TCF7L2: variants seen among roughly 807,000 people sequenced by gnomAD.
TCF7L2 encodes transcription factor 7 like 2, also known as transcription factor 7-like 2.
TCF7L2 carries 23 observed loss-of-function variants against 77.9 expected under a neutral mutation model. The ratio of observed to expected loss-of-function variants is 0.30; its 90% CI spans 0.21 to 0.42. TCF7L2 has a LOEUF of 0.42. Among genes scored for constraint, TCF7L2 ranks in the 10% least tolerant of loss-of-function variants. The pLI is 1.00. For missense variants in TCF7L2, 654 were observed against 793.1 expected, an observed-to-expected ratio of 0.82 and a Z score of 2.11; for synonymous variants, 413 against 340.2, an observed-to-expected ratio of 1.21 and a Z score of -2.36.
intron 4 of TCF7L2, among the ~76,000 whole-genome samples, chr10:112,969,711 G>A (rs1315433104): frequency 2.6e-5 from 4 of 152,218 alleles, no homozygotes; most frequent in African/African-American, 9.7e-5. Context: ...CCTTCATGCA[G>A]TGATTTGGCC....
intron 5 of TCF7L2, chr10:113,126,939 A>C: frequency 1.0e-6 from 1 of 985,028 alleles, no homozygotes. Context: ...GGCCCGCTGC[A>C]TCCCGCGCGC....
At chr10:113,090,177 A>G (rs749201665) in intron 5 of TCF7L2, among the ~76,000 whole-genome samples, 1 of 152,240 alleles carries the variant, frequency 6.6e-6, no homozygotes, top group Non-Finnish European at 1.5e-5. Flanking sequence ...AATAGTCCTG[A>G]AGAAAAAATA....
intron 5 of TCF7L2, among the ~76,000 whole-genome samples, chr10:113,127,765 C>A (rs145871425): frequency 6.6e-6 from 1 of 150,700 alleles, no homozygotes; most frequent in Non-Finnish European, 1.5e-5. Context: ...GAAAGAGTTT[C>A]TGAGGAGCAG....
intron 4 of TCF7L2, among the ~76,000 whole-genome samples, chr10:112,967,386 C>T (rs1351142830): frequency 6.6e-6 from 1 of 152,176 alleles, no homozygotes; most frequent in Non-Finnish European, 1.5e-5. Context: ...ATACTCTTTT[C>T]CCTTCCCATC....
chr10:113,148,367 G>A (rs562596407), intron 8 of TCF7L2, among the ~76,000 whole-genome samples: 3 of 152,148 alleles, frequency 2.0e-5, no homozygotes, highest in South Asian at 2.1e-4. Context: ...TGGGTGCACC[G>A]TGGCTCACAA....
intron 12 of TCF7L2, among the ~76,000 whole-genome samples, chr10:113,159,107 C>T (rs979490352): frequency 4.0e-5 from 6 of 151,294 alleles, no homozygotes; most frequent in Admixed American, 2.6e-4. Context: ...AGTTTTCTCA[C>T]GCAAGCATGC....
intron 4 of TCF7L2, 81 bp from the exon 5 acceptor site, chr10:113,039,944 C>A: frequency 1.6e-6 from 2 of 1,215,898 alleles, no homozygotes; most frequent in Non-Finnish European, 2.4e-6. Flanking sequence ...ACCCATGTCA[C>A]AGTTATTTCT....
chr10:112,966,169 C>A, intron 4 of TCF7L2, among the ~76,000 whole-genome samples: 1 of 96,006 alleles, frequency 1.0e-5, no homozygotes. Flanking sequence ...GAGTGAGACT[C>A]TGTCTAAAAT....
chr10:113,093,349 GGGCCATGGTTCTTGGCCATGGTTCTT>G (rs893149957), intron 5 of TCF7L2, among the ~76,000 whole-genome samples: 1 of 152,258 alleles, frequency 6.6e-6, no homozygotes, highest in African/African-American at 2.4e-5. Flanking sequence ...TGGGAATGAA[GGGCCATGGTTCTTGGCCATGGTTCTT>G]GGCCATGGTT....
intron 5 of TCF7L2, among the ~76,000 whole-genome samples, chr10:113,049,303 T>A (rs894279555): frequency 6.6e-6 from 1 of 151,866 alleles, no homozygotes; most frequent in Non-Finnish European, 1.5e-5. Flanking sequence ...TCTCCCCAGC[T>A]CCAAACCTGT....
At chr10:112,953,107 CG>C (rs1481028566) in intron 3 of TCF7L2, among the ~76,000 whole-genome samples, 4 of 152,242 alleles carry the variant, frequency 2.6e-5, no homozygotes, top group East Asian at 1.9e-4. Flanking sequence ...GCTTGCCGGA[CG>C]GGAGTCGATC....
Position 112,951,496 on chromosome 10 carries a change from A to T in TCF7L2, c.270A>T (p.Gln90His). 7.0e-7 allele frequency: 1 copy of T among 1,431,798 alleles called. No homozygotes were observed. Among genetic ancestry groups the T allele is most frequent in the East Asian group, 3.5e-5 (1 of 28,336 alleles). The allele number at this position is 1,431,798 out of a possible 1,614,324, so 88.7% of individuals were successfully genotyped here. A position where few individuals can be genotyped will look rare whatever the true frequency, so the allele number is the denominator to read the frequency against. ...CCGCCATGTTAGCGGCCAAGAGGCA[A>T]GATGGAGGGCTCTTTAAGGGGCCAC... The change falls in exon 3 of 14, where the codon CAA becomes CAT. Residue 90 changes from glutamine to histidine, a missense_variant. Coordinates refer to ENST00000627217, the MANE Select transcript of TCF7L2 (RefSeq NM_001146274.2).
chr10:113,104,993 GA>G lies in TCF7L2; in HGVS notation c.553-36189del, dbSNP rs554430304. 3.3e-5 allele frequency among the ~76,000 whole-genome samples: 5 copies of G among 152,314 alleles called. No homozygotes were observed. The South Asian group carries it at 1.0e-3, about 32-fold the overall frequency. On this transcript the variant is annotated intron_variant, in intron 5 of 13. Coordinates refer to ENST00000627217, the MANE Select transcript of TCF7L2 (RefSeq NM_001146274.2). ...TGTTGGCAGGAAGCAGAAAAGAAGGGAAGATTGTGACAATAACTGTTGCAAA... is the reference window on the plus strand; with the variant it reads ...TGTTGGCAGGAAGCAGAAAAGAAGGGAGATTGTGACAATAACTGTTGCAAA...
chr10:113,100,070 G>A (rs1031622067), intron 5 of TCF7L2, among the ~76,000 whole-genome samples: 6 of 152,188 alleles, frequency 3.9e-5, no homozygotes, highest in East Asian at 3.8e-4. Context: ...CAGGTCATCC[G>A]TGACTTAGCT....
rs72828146 is a variant in TCF7L2 at position 113,159,723 on chromosome 10, A to T, written c.1319-896A>T. Among the ~76,000 whole-genome samples, 2 of 150,556 alleles carry T rather than the reference A, an allele frequency of 1.3e-5. No homozygotes were observed. On this transcript the variant is annotated intron_variant, in intron 12 of 13. Transcript: ENST00000627217. ...ATGTGACTTTTACTTTTTTTTTTTT[A>T]ATTAAAGAAAGTTAAAAAACGAAAG...
intron 4 of TCF7L2, among the ~76,000 whole-genome samples, chr10:112,983,298 C>T (rs1022621065): frequency 2.0e-5 from 3 of 151,680 alleles, no homozygotes; most frequent in African/African-American, 7.3e-5. Context: ...GGTGAAACCC[C>T]GTCTCTACTA....
At chr10:113,035,052 C>T (rs1233807096) in intron 4 of TCF7L2, among the ~76,000 whole-genome samples, 3 of 151,552 alleles carry the variant, frequency 2.0e-5, no homozygotes, top group Non-Finnish European at 2.9e-5. Flanking sequence ...AACAGGGTCT[C>T]GCTCTGAACC....
chr10:113,039,398 G>A (rs1004920367), intron 4 of TCF7L2, among the ~76,000 whole-genome samples: 1 of 152,166 alleles, frequency 6.6e-6, no homozygotes, highest in African/African-American at 2.4e-5. Flanking sequence ...CTGGTCTTTT[G>A]AGATGAGTGT....
At chr10:112,967,525 A>G (rs1029234968) in intron 4 of TCF7L2, among the ~76,000 whole-genome samples, 1 of 152,174 alleles carries the variant, frequency 6.6e-6, no homozygotes, top group Non-Finnish European at 1.5e-5. Context: ...GATCTTTCCT[A>G]CTTTTGACAG....
Sources: allele counts gnomAD v4.1 joint callset (sites outside exome capture counted in the v4.1 genomes callset), GRCh38; gene constraint gnomAD v4.1.1; transcripts MANE v1.5; gene names NCBI Gene and HGNC (gene_info 2026-07-23, HGNC 2026-07-21).